Variants in GRIA3 observed in about 807,000 individuals in gnomAD.
The protein encoded by GRIA3 is glutamate receptor 3.
GRIA3 carries 3 observed loss-of-function variants against 63.0 expected under a neutral mutation model. That is an observed-to-expected ratio of 0.05 (90% CI 0.02 to 0.12). GRIA3 has a LOEUF of 0.12. Ranked by LOEUF, GRIA3 falls within the 10% of genes least tolerant of loss-of-function variation. The pLI is 1.00. For missense variants in GRIA3, 347 were observed against 700.9 expected (o/e 0.50, Z 5.70); for synonymous variants, 274 against 257.9 (o/e 1.06, Z -0.60).
At chrX:123,388,232 G>C (rs1271514663) in intron 5 of GRIA3, among the ~76,000 whole-genome samples, 3 of 111,318 alleles carry the variant, frequency 2.7e-5, no homozygotes, top group African/African-American at 9.8e-5. Flanking sequence ...GTTCATAACA[G>C]TCTCTGATGA....
intron 12 of GRIA3, among the ~76,000 whole-genome samples, chrX:123,435,003 TA>T (rs776216540): frequency 1.4e-3 from 154 of 112,747 alleles, no homozygotes; most frequent in African/African-American, 4.8e-3. Context: ...CTGACGATCA[TA>T]CATCTTATAA....
intron 12 of GRIA3, among the ~76,000 whole-genome samples, chrX:123,451,830 T>C (rs937679287): frequency 9.0e-6 from 1 of 111,091 alleles, no homozygotes; most frequent in Non-Finnish European, 1.9e-5. Flanking sequence ...AAGTTGGAGA[T>C]ACCTATGAGA....
intron 12 of GRIA3, among the ~76,000 whole-genome samples, chrX:123,456,484 T>C (rs1282243375): frequency 3.6e-5 from 4 of 111,215 alleles, no homozygotes; most frequent in Non-Finnish European, 7.5e-5. Flanking sequence ...TTTCCACAGT[T>C]GGAGTCTTAA....
chrX:123,240,400 A>C (rs756208398), intron 2 of GRIA3, among the ~76,000 whole-genome samples: 1 of 111,840 alleles, frequency 8.9e-6, no homozygotes, highest in Non-Finnish European at 1.9e-5. Flanking sequence ...ACATATTTGA[A>C]GGAACTGAGG....
intron 10 of GRIA3, among the ~76,000 whole-genome samples, chrX:123,408,174 C>T (rs1333038969): frequency 9.0e-6 from 1 of 110,764 alleles, no homozygotes; most frequent in African/African-American, 3.3e-5. Flanking sequence ...CCATGTTGGC[C>T]AGGTTGGTCT....
chrX:123,227,301 C>T (rs951569340), intron 2 of GRIA3, among the ~76,000 whole-genome samples: 12 of 111,737 alleles, frequency 1.1e-4, no homozygotes, highest in African/African-American at 3.9e-4. Flanking sequence ...TACTTGAGGC[C>T]TTATTTTCCT....
At chrX:123,483,479 C>T (rs1185298447) in intron 15 of GRIA3, among the ~76,000 whole-genome samples, 2 of 112,341 alleles carry the variant, frequency 1.8e-5, no homozygotes, top group African/African-American at 3.2e-5. Context: ...ACAAATTTTA[C>T]ATTCTTCACG....
chrX:123,312,369 A>G (rs926856679), intron 3 of GRIA3, among the ~76,000 whole-genome samples: 5 of 112,186 alleles, frequency 4.5e-5, no homozygotes, highest in Non-Finnish European at 7.5e-5. Context: ...TGATCTGTTC[A>G]GTGATACGTA....
intron 2 of GRIA3, among the ~76,000 whole-genome samples, chrX:123,194,234 G>C (rs1452016582): frequency 9.1e-6 from 1 of 110,430 alleles, no homozygotes; most frequent in Non-Finnish European, 1.9e-5. Flanking sequence ...GAGGTATGGT[G>C]AGAATTTAAG....
chrX:123,312,226 A>G (rs2044798625), intron 3 of GRIA3, among the ~76,000 whole-genome samples: 2 of 112,043 alleles, frequency 1.8e-5, no homozygotes, highest in Admixed American at 1.9e-4. Flanking sequence ...TCTTAGTCAA[A>G]AAATGATTTA....
intron 3 of GRIA3, among the ~76,000 whole-genome samples, chrX:123,304,312 C>T (rs2044742140): frequency 8.9e-6 from 1 of 111,744 alleles, no homozygotes; most frequent in Non-Finnish European, 1.9e-5. Context: ...CCTCCCTTTA[C>T]AATTTCCAAG....
chrX:123,266,615 T>C (rs2044490176), intron 3 of GRIA3, among the ~76,000 whole-genome samples: 1 of 110,826 alleles, frequency 9.0e-6, no homozygotes, highest in African/African-American at 3.3e-5. Flanking sequence ...ATCATGTCAC[T>C]CCCCTGCCTA....
chrX:123,346,934 G>C (rs1343831711), intron 4 of GRIA3, among the ~76,000 whole-genome samples: 2 of 112,182 alleles, frequency 1.8e-5, no homozygotes, highest in African/African-American at 6.5e-5. Context: ...TCTGAATCCA[G>C]TGGTATGCTG....
At chrX:123,256,824 G>A (rs1057417344) in intron 3 of GRIA3, among the ~76,000 whole-genome samples, 1 of 112,182 alleles carries the variant, frequency 8.9e-6, no homozygotes, top group African/African-American at 3.2e-5. Context: ...GTCCATTGTG[G>A]TCATCCAGAT....
At chrX:123,284,365 G>A (rs2044605092) in intron 3 of GRIA3, among the ~76,000 whole-genome samples, 1 of 111,474 alleles carries the variant, frequency 9.0e-6, no homozygotes, top group Non-Finnish European at 1.9e-5. Flanking sequence ...ACAACTCCTC[G>A]CTAGCAAGGG....
At chrX:123,444,570 G>A (rs1329707544) in intron 12 of GRIA3, among the ~76,000 whole-genome samples, 2 of 111,278 alleles carry the variant, frequency 1.8e-5, no homozygotes, top group Non-Finnish European at 3.8e-5. Context: ...AAGACTTGTG[G>A]GTGGACAGCC....
chrX:123,315,689 T>A (rs1334218163), intron 3 of GRIA3, among the ~76,000 whole-genome samples: 4 of 112,103 alleles, frequency 3.6e-5, no homozygotes, highest in Non-Finnish European at 7.5e-5. Context: ...TCTGCCTCTA[T>A]TTTTTCTTTA....
intron 2 of GRIA3, among the ~76,000 whole-genome samples, chrX:123,237,164 T>G (rs1332925597): frequency 9.0e-6 from 1 of 111,526 alleles, no homozygotes; most frequent in Non-Finnish European, 1.9e-5. Context: ...GGACACAGCA[T>G]GAGAAAATGC....
At chrX:123,290,142 C>G (rs2044646777) in intron 3 of GRIA3, among the ~76,000 whole-genome samples, 1 of 109,773 alleles carries the variant, frequency 9.1e-6, no homozygotes, top group Non-Finnish European at 1.9e-5. Context: ...ATGAACAGAC[C>G]CAAGGGTTGG....
Sources: gnomAD v4.1 joint callset for allele counts (sites outside exome capture counted in the v4.1 genomes callset) on GRCh38, gnomAD v4.1.1 for gene constraint, MANE v1.5 for transcripts, NCBI Gene and HGNC (gene_info 2026-07-23, HGNC 2026-07-21) for gene names.